Variants in KCNN2 observed in about 807,000 individuals in gnomAD.
The protein encoded by KCNN2 is potassium calcium-activated channel subfamily N member 2, also known as small conductance calcium-activated potassium channel protein 2.
In KCNN2, 24 loss-of-function variants were observed where a neutral mutation model predicts 55.5. That is an observed-to-expected ratio of 0.43 (90% confidence interval 0.31 to 0.61). The LOEUF is 0.61. KCNN2 is among the 20% of genes least tolerant of loss of function. The probability of loss-of-function intolerance (pLI) is 0.08; values close to 1 mark genes in which losing one functional copy is unlikely to be tolerated. For missense variants in KCNN2, 754 were observed against 853.6 expected (o/e 0.88, Z 1.45); for synonymous variants, 431 against 336.1 (o/e 1.28, Z -3.09).
intron 2 of KCNN2, among the ~76,000 whole-genome samples, chr5:114,266,218 A>G (rs1755205013): frequency 6.6e-6 from 1 of 152,158 alleles, no homozygotes; most frequent in African/African-American, 2.4e-5. Flanking sequence ...TTTAGCTACA[A>G]CACATTTCAG....
chr5:114,081,430 T>TACAG (rs1032537505), intron 1 of KCNN2, among the ~76,000 whole-genome samples: 6 of 152,284 alleles, frequency 3.9e-5, no homozygotes, highest in African/African-American at 1.4e-4. Flanking sequence ...AGTACTGGCA[T>TACAG]ACAGACATAC....
intron 3 of KCNN2, among the ~76,000 whole-genome samples, chr5:114,461,370 G>T (rs940202689): frequency 6.6e-6 from 1 of 152,122 alleles, no homozygotes; most frequent in Non-Finnish European, 1.5e-5. Flanking sequence ...GGTGAGGAAC[G>T]GTGGTGATTT....
At position 114,206,362 on chromosome 5, in the gene KCNN2, A is replaced by G. The variant is rs145387834; in HGVS notation, c.-270-15118A>G. ...CCATCTCAGAGTGTTTCCATTTGCT[A>G]GTTAAGACGCACCTAAATTCCACAT... On this transcript the variant is annotated intron_variant, in intron 1 of 10. Coordinates refer to the KCNN2 transcript ENST00000512097. 2.0e-4 allele frequency among the ~76,000 whole-genome samples: 30 copies of G among 152,174 alleles called. No individual in the cohort carries two copies. In the East Asian group the frequency reaches 5.4e-3, roughly 28 times the overall value.
chr5:114,283,113 A>G (rs1755656815), intron 2 of KCNN2, among the ~76,000 whole-genome samples: 1 of 152,146 alleles, frequency 6.6e-6, no homozygotes, highest in Non-Finnish European at 1.5e-5. Flanking sequence ...GAGTTCAAAT[A>G]TCAGTTCTCT....
intron 2 of KCNN2, among the ~76,000 whole-genome samples, chr5:114,342,428 C>A (rs913365576): frequency 2.0e-5 from 3 of 151,438 alleles, no homozygotes; most frequent in Non-Finnish European, 2.9e-5. Context: ...TAATGTCATG[C>A]AAGCCATATG....
At chr5:114,370,451 A>C (rs1185548893) in intron 2 of KCNN2, among the ~76,000 whole-genome samples, 1 of 152,128 alleles carries the variant, frequency 6.6e-6, no homozygotes, top group Non-Finnish European at 1.5e-5. Context: ...AGAGACAAAA[A>C]ATTAATAATA....
chr5:114,288,521 C>CACACAG (rs1755808399), intron 2 of KCNN2, among the ~76,000 whole-genome samples: 1 of 151,194 alleles, frequency 6.6e-6, no homozygotes, highest in African/African-American at 2.4e-5. Context: ...CACACACACA[C>CACACAG]ACACACACAT....
intron 1 of KCNN2, among the ~76,000 whole-genome samples, chr5:114,192,679 A>C (rs1041574055): frequency 2.0e-5 from 3 of 152,148 alleles, no homozygotes; most frequent in African/African-American, 7.2e-5. Flanking sequence ...ACCTGGAAAT[A>C]ATCTTTGTAT....
chr5:114,057,344 A>G (rs896086981), intron 1 of KCNN2, among the ~76,000 whole-genome samples: 2 of 152,240 alleles, frequency 1.3e-5, no homozygotes, highest in Admixed American at 1.3e-4. Flanking sequence ...AGTAAGGAGT[A>G]CTATTATGTC....
chr5:114,195,184 C>T (rs188501270), intron 1 of KCNN2, among the ~76,000 whole-genome samples: 28 of 151,006 alleles, frequency 1.9e-4, no homozygotes, highest in East Asian at 1.9e-4. Flanking sequence ...GTTGCATTTA[C>T]GTATGAATTT....
intron 2 of KCNN2, among the ~76,000 whole-genome samples, chr5:114,378,248 G>A (rs1758001032): frequency 6.6e-6 from 1 of 152,150 alleles, no homozygotes; most frequent in Admixed American, 6.6e-5. Flanking sequence ...TTTGTGCTAC[G>A]ATGGCAGAGT....
At chr5:114,339,431 A>C (rs1424406956) in intron 2 of KCNN2, among the ~76,000 whole-genome samples, 1 of 152,232 alleles carries the variant, frequency 6.6e-6, no homozygotes, top group Non-Finnish European at 1.5e-5. Context: ...CTTGTATTAC[A>C]AAGGAAAAAA....
chr5:114,318,106 C>A (rs3112767), intron 2 of KCNN2, among the ~76,000 whole-genome samples: 25,966 of 152,184 alleles, frequency 0.17, 2,724 homozygotes, highest in African/African-American at 0.28. Flanking sequence ...TTACCTGACA[C>A]TGTCCTACTC....
chr5:114,144,667 G>A (rs1481844837), intron 1 of KCNN2, among the ~76,000 whole-genome samples: 1 of 151,790 alleles, frequency 6.6e-6, no homozygotes, highest in Non-Finnish European at 1.5e-5. Flanking sequence ...AATTAACACA[G>A]GTAATTATGT....
chr5:114,221,599 A>G (rs924745973), intron 2 of KCNN2, among the ~76,000 whole-genome samples: 2 of 152,228 alleles, frequency 1.3e-5, no homozygotes, highest in African/African-American at 4.8e-5. Flanking sequence ...ATGTACATTT[A>G]GTTCTAATAT....
At chr5:114,233,848 C>G (rs996548014) in intron 2 of KCNN2, among the ~76,000 whole-genome samples, 1 of 152,128 alleles carries the variant, frequency 6.6e-6, no homozygotes, top group African/African-American at 2.4e-5. Flanking sequence ...TTTTTCTTCT[C>G]TGTTCCCTAT....
chr5:114,482,395 C>G (rs572584596), intron 5 of KCNN2, among the ~76,000 whole-genome samples: 1 of 151,956 alleles, frequency 6.6e-6, no homozygotes, highest in Non-Finnish European at 1.5e-5. Flanking sequence ...GGCCAGGTTG[C>G]GGAGAAAGAG....
chr5:114,424,042 T>C (rs999674585), intron 3 of KCNN2, among the ~76,000 whole-genome samples: 1 of 152,252 alleles, frequency 6.6e-6, no homozygotes, highest in African/African-American at 2.4e-5. Context: ...ATACGGAGTC[T>C]GGATTTTAGT....
intron 3 of KCNN2, among the ~76,000 whole-genome samples, chr5:114,445,358 A>G (rs1391861924): frequency 6.6e-6 from 1 of 152,242 alleles, no homozygotes; most frequent in African/African-American, 2.4e-5. Flanking sequence ...TTTCAATTGT[A>G]GATGTCAACA....
Sources: allele counts gnomAD v4.1 joint callset (sites outside exome capture counted in the v4.1 genomes callset), GRCh38; gene constraint gnomAD v4.1.1; transcripts MANE v1.5; gene names NCBI Gene and HGNC (gene_info 2026-07-23, HGNC 2026-07-21).